Variants in PCSK5 observed in about 807,000 individuals in gnomAD.
The protein encoded by PCSK5 is prohormone convertase 5.
A neutral mutation model predicts 233.2 loss-of-function variants in PCSK5; 129 were observed. The observed-to-expected ratio is 0.55, with a 90% CI of 0.48 to 0.64. PCSK5 has a LOEUF of 0.64. PCSK5 is among the 30% of genes least tolerant of loss of function. The probability of loss-of-function intolerance (pLI) is 0.00; values close to 1 mark genes in which losing one functional copy is unlikely to be tolerated. For missense variants in PCSK5, 2,076 were observed against 2,430.1 expected (o/e 0.85, Z 3.06); for synonymous variants, 825 against 879.2 (o/e 0.94, Z 1.09).
intron 33 of PCSK5, among the ~76,000 whole-genome samples, chr9:76,329,853 G>A (rs913783657): frequency 1.3e-5 from 2 of 151,930 alleles, no homozygotes; most frequent in African/African-American, 2.4e-5. Flanking sequence ...GAAAAGAAAG[G>A]AAAAATACAG....
chr9:76,119,774 T>C (rs1370149303), intron 9 of PCSK5, among the ~76,000 whole-genome samples: 1 of 152,122 alleles, frequency 6.6e-6, no homozygotes, highest in Non-Finnish European at 1.5e-5. Context: ...CACAAGCATT[T>C]ATCCTTTAAG....
intron 5 of PCSK5, among the ~76,000 whole-genome samples, chr9:76,044,380 T>C (rs1244535765): frequency 6.6e-6 from 1 of 152,202 alleles, no homozygotes; most frequent in Non-Finnish European, 1.5e-5. Context: ...ATTTTTGAAT[T>C]GGGGTTACAA....
intron 25 of PCSK5, among the ~76,000 whole-genome samples, chr9:76,293,126 G>T (rs1294614166): frequency 1.3e-5 from 2 of 151,726 alleles, no homozygotes; most frequent in Non-Finnish European, 2.9e-5. Flanking sequence ...TTGGCCTTTG[G>T]CGGGTCACCT....
At chr9:75,974,241 G>T (rs760158920) in intron 2 of PCSK5, among the ~76,000 whole-genome samples, 3 of 152,130 alleles carry the variant, frequency 2.0e-5, no homozygotes, top group Non-Finnish European at 2.9e-5. Context: ...TCGCCTTCCC[G>T]TAGGGCTGGC....
chr9:75,928,224 C>G (rs1288159969), intron 1 of PCSK5, among the ~76,000 whole-genome samples: 1 of 152,032 alleles, frequency 6.6e-6, no homozygotes, highest in Non-Finnish European at 1.5e-5. Context: ...GCACTATTTG[C>G]TATCGATTTT....
chr9:76,347,775 A>AAC (rs1554724354), intron 35 of PCSK5, among the ~76,000 whole-genome samples: 6 of 149,872 alleles, frequency 4.0e-5, no homozygotes, highest in East Asian at 2.0e-4. Context: ...AAAAAAAAAA[A>AAC]AAAAGAAAGA....
chr9:76,104,384 T>C (rs575518476), intron 8 of PCSK5, among the ~76,000 whole-genome samples: 47 of 152,280 alleles, frequency 3.1e-4, no homozygotes, highest in Non-Finnish European at 5.7e-4. Flanking sequence ...CTCCACTCCA[T>C]CCAGTCCTAC....
chr9:76,049,781 A>G (rs1054096291), intron 5 of PCSK5, among the ~76,000 whole-genome samples: 1 of 152,220 alleles, frequency 6.6e-6, no homozygotes. Flanking sequence ...CAGTTTGCTT[A>G]TGATCAGGAA....
chr9:75,921,371 C>T (rs1032322156), intron 1 of PCSK5, among the ~76,000 whole-genome samples: 1 of 152,066 alleles, frequency 6.6e-6, no homozygotes, highest in African/African-American at 2.4e-5. Context: ...ATGACTGGAC[C>T]GAAAGCGAAC....
intron 10 of PCSK5, among the ~76,000 whole-genome samples, chr9:76,147,809 G>A (rs1323659373): frequency 2.0e-5 from 3 of 152,100 alleles, no homozygotes; most frequent in South Asian, 2.1e-4. Context: ...GTTGTGAAAG[G>A]TTTTCCCCAA....
At chr9:76,341,679 T>C (rs1829840596) in intron 35 of PCSK5, among the ~76,000 whole-genome samples, 1 of 152,216 alleles carries the variant, frequency 6.6e-6, no homozygotes, top group Non-Finnish European at 1.5e-5. Flanking sequence ...TGGTTTTGGT[T>C]CTTTACTCCC....
chr9:75,946,891 A>G (rs1185749165), intron 2 of PCSK5, among the ~76,000 whole-genome samples: 1 of 152,082 alleles, frequency 6.6e-6, no homozygotes, highest in Non-Finnish European at 1.5e-5. Context: ...CCCAGCCAAT[A>G]TTTAAAATAT....
At chr9:76,342,774 A>C (rs1829870482) in intron 35 of PCSK5, among the ~76,000 whole-genome samples, 1 of 151,794 alleles carries the variant, frequency 6.6e-6, no homozygotes, top group African/African-American at 2.4e-5. Flanking sequence ...CCCACTCCCA[A>C]ACTACTTGTT....
intron 1 of PCSK5, among the ~76,000 whole-genome samples, chr9:75,924,522 T>C (rs184394578): frequency 7.7e-4 from 117 of 152,226 alleles, no homozygotes; most frequent in Non-Finnish European, 1.4e-3. Flanking sequence ...AAAGATACTT[T>C]ATTGCCGGCA....
chr9:76,307,937 C>T (rs544865625), intron 28 of PCSK5, among the ~76,000 whole-genome samples: 93 of 152,172 alleles, frequency 6.1e-4, no homozygotes, highest in Non-Finnish European at 1.2e-3. Context: ...GTGGCTCACA[C>T]CTGTAATCCC....
chr9:75,902,214 T>TTAAAAAA lies in PCSK5; in HGVS notation c.192+10841_192+10842insTAAAAAA, dbSNP rs1554703242. On this transcript the variant is annotated intron_variant, in intron 1 of 37. Coordinates refer to ENST00000674117, the MANE Select transcript of PCSK5 (RefSeq NM_001372043.1). The stretch of plus-strand genomic sequence containing the variant: ...CTGGGTGACAGAGTGAGACACCATC[T>TTAAAAAA]AAAAAAAAAAAAAAAAAAAAAAAAA... Among the ~76,000 whole-genome samples the TTAAAAAA allele has an allele frequency of 9.0e-4, 48 of 53,244 alleles. 1 individual carries two copies. Among genetic ancestry groups the TTAAAAAA allele is most frequent in the Non-Finnish European group, 1.3e-3 (37 of 28,938 alleles). 34.9% of individuals were successfully genotyped at this position (53,244 alleles called of 152,430 possible). A position where few individuals can be genotyped will look rare whatever the true frequency, so the allele number is the denominator to read the frequency against.
At position 76,071,610 on chromosome 9, in the gene PCSK5, C is replaced by A; in HGVS notation, c.722-116C>A. 3 of 807,572 alleles carry A rather than the reference C, an allele frequency of 3.7e-6. No individual in the cohort carries two copies. The Admixed American group carries it at 7.4e-5, about 20-fold the overall frequency. The allele number at this position is 807,572 out of a possible 1,614,324, so 50.0% of individuals were successfully genotyped here. A position where few individuals can be genotyped will look rare whatever the true frequency, so the allele number is the denominator to read the frequency against. ...TATCCTTTTGCTGGGGGAAGATATG[C>A]TCACTTAAGTGTTGATTAAAAATGT... On this transcript the variant is annotated intron_variant, in intron 6 of 37. Coordinates refer to ENST00000674117, the MANE Select transcript of PCSK5 (RefSeq NM_001372043.1).
Position 75,891,100 on chromosome 9 carries a change from CGCA to C in PCSK5, c.-80_-78del. Reference sequence around the variant, plus strand: ...CGGCCCGGGGCTGCTCGCCGGGCGGCGCAGGCCGGAGAAGTTAGTTGTGCGCGC... The same window carrying C: ...CGGCCCGGGGCTGCTCGCCGGGCGGCGGCCGGAGAAGTTAGTTGTGCGCGC... On this transcript the variant is annotated 5_prime_UTR_variant, in exon 1 of 38. Coordinates refer to ENST00000674117, the MANE Select transcript of PCSK5 (RefSeq NM_001372043.1). 6.3e-6 allele frequency: 7 copies of C among 1,119,624 alleles called. No individual in the cohort carries two copies. The highest frequency in any genetic ancestry group is 8.2e-6 in the Non-Finnish European group (7 of 854,998). 69.4% of individuals were successfully genotyped at this position (1,119,624 alleles called of 1,614,324 possible).
At chr9:76,175,326 A>C (rs761033818) in intron 14 of PCSK5, 197 bp downstream of exon 14, 28 of 534,592 alleles carry the variant, frequency 5.2e-5, no homozygotes, top group African/African-American at 1.5e-4. Context: ...AGAACAGAAT[A>C]GAATAGAACA....
Sources: gnomAD v4.1 joint callset for allele counts (sites outside exome capture counted in the v4.1 genomes callset) on GRCh38, gnomAD v4.1.1 for gene constraint, MANE v1.5 for transcripts, NCBI Gene and HGNC (gene_info 2026-07-23, HGNC 2026-07-21) for gene names.